The following SLC39A11 variants were observed in gnomAD, a reference collection of about 807,000 sequenced individuals.
The protein encoded by SLC39A11 is zinc transporter ZIP11.
In SLC39A11, 33 loss-of-function variants were observed where a neutral mutation model predicts 36.1. The ratio of observed to expected loss-of-function variants is 0.91; its 90% confidence interval spans 0.69 to 1.22. The LOEUF (loss-of-function observed/expected upper bound fraction) is 1.22, where lower values mean the gene tolerates loss of function less well. SLC39A11 is among the 50% of genes most tolerant of loss of function. The pLI is 0.00. For missense variants in SLC39A11, 432 were observed against 430.3 expected (o/e 1.00, Z -0.03); for synonymous variants, 166 against 170.3 (o/e 0.97, Z 0.20).
chr17:73,023,973 C>G (rs937494732), intron 4 of SLC39A11, among the ~76,000 whole-genome samples: 1 of 152,220 alleles, frequency 6.6e-6, no homozygotes. Flanking sequence ...CCAACCCTGC[C>G]GGCACCTTAG....
rs1184216709 is a variant in SLC39A11, at chr17:72,899,988, AAGAGAGAGAGAG to A, written c.430+47752_430+47763del. Among the ~76,000 whole-genome samples the A allele has an allele frequency of 5.5e-4, 13 of 23,812 alleles. No homozygotes were observed. In the African/African-American group the frequency reaches 5.8e-3, roughly 11 times the overall value. The allele number at this position is 23,812 out of a possible 152,430, so 15.6% of individuals were successfully genotyped here. A position where few individuals can be genotyped will look rare whatever the true frequency, so the allele number is the denominator to read the frequency against. On this transcript the variant is annotated intron_variant, in intron 5 of 9. Transcript: ENST00000255559. ...AGAAAGAGAGAGAGAGAGAGAAAGA[AAGAGAGAGAGAG>A]AGAAAGAGAGAGAGAGAGAAAGAGA...
intron 4 of SLC39A11, among the ~76,000 whole-genome samples, chr17:73,000,011 G>A (rs1384887395): frequency 6.6e-6 from 1 of 152,042 alleles, no homozygotes; most frequent in African/African-American, 2.4e-5. Flanking sequence ...CAAAGTGCTG[G>A]GATTACAGGC....
chr17:72,900,336 G>T (rs115603134), intron 5 of SLC39A11, among the ~76,000 whole-genome samples: 1 of 152,192 alleles, frequency 6.6e-6, no homozygotes, highest in Admixed American at 6.5e-5. Context: ...GGAACAAGTC[G>T]TGGGGGTATC....
intron 5 of SLC39A11, among the ~76,000 whole-genome samples, chr17:72,906,306 A>T (rs2082654163): frequency 6.6e-6 from 1 of 152,244 alleles, no homozygotes; most frequent in South Asian, 2.1e-4. Context: ...TGAGCCACAA[A>T]TGGCCAGGAA....
chr17:73,039,458 A>G (rs2059036490), intron 3 of SLC39A11, among the ~76,000 whole-genome samples: 1 of 152,192 alleles, frequency 6.6e-6, no homozygotes, highest in Admixed American at 6.5e-5. Context: ...GCGACTATTC[A>G]ACATTTGTTG....
At chr17:73,059,667 A>C (rs1319715872) in intron 3 of SLC39A11, among the ~76,000 whole-genome samples, 1 of 150,012 alleles carries the variant, frequency 6.7e-6, no homozygotes, top group Admixed American at 6.8e-5. Context: ...AAAAAAAAAA[A>C]AACTGGAAAT....
At chr17:72,714,227 G>A (rs1470782491) in intron 7 of SLC39A11, among the ~76,000 whole-genome samples, 1 of 151,988 alleles carries the variant, frequency 6.6e-6, no homozygotes, top group Admixed American at 6.5e-5. Flanking sequence ...GTAGTGGTGC[G>A]CACCTGTACT....
intron 3 of SLC39A11, among the ~76,000 whole-genome samples, chr17:73,069,078 T>C (rs981356028): frequency 1.1e-4 from 17 of 152,092 alleles, no homozygotes; most frequent in Admixed American, 5.2e-4. Context: ...ACTCTTATGC[T>C]TCCAATTTTC....
Position 72,654,893 on chromosome 17 carries a change from C to T in SLC39A11, c.672-5625G>A, listed in dbSNP as rs573746146. On this transcript the variant is annotated intron_variant, in intron 7 of 9. Transcript: ENST00000255559. ...GTGACATAGCGCTGACTACAGCCAT[C>T]GCCCGGCGGGCTGTGGGAGCCTCCT... is the stretch of plus-strand genomic sequence containing the variant. Among the ~76,000 whole-genome samples, 157 of 152,350 alleles carry T rather than the reference C, an allele frequency of 1.0e-3. 1 individual carries two copies. Among genetic ancestry groups the T allele is most frequent in the African/African-American group, 3.5e-3 (146 of 41,576 alleles).
chr17:73,003,757 T>C (rs887699903), intron 4 of SLC39A11, among the ~76,000 whole-genome samples: 7 of 152,022 alleles, frequency 4.6e-5, no homozygotes, highest in Admixed American at 1.3e-4. Context: ...ATAATCACTA[T>C]AGATTTCACA....
intron 6 of SLC39A11, among the ~76,000 whole-genome samples, chr17:72,825,503 C>T (rs1381147505): frequency 6.6e-6 from 1 of 152,180 alleles, no homozygotes; most frequent in Non-Finnish European, 1.5e-5. Context: ...ACAGAGTTCC[C>T]ACTAGGGCAC....
At chr17:72,870,658 G>C (rs145009529) in intron 5 of SLC39A11, among the ~76,000 whole-genome samples, 1 of 152,360 alleles carries the variant, frequency 6.6e-6, no homozygotes, top group Non-Finnish European at 1.5e-5. Flanking sequence ...CTCTCCTGCA[G>C]ATTTGTGGCC....
intron 1 of SLC39A11, among the ~76,000 whole-genome samples, chr17:73,090,216 G>A (rs369339582): frequency 7.4e-4 from 113 of 152,220 alleles, no homozygotes; most frequent in African/African-American, 2.4e-3. Flanking sequence ...TATGCCAAGC[G>A]GCTCAGCAAC....
At chr17:73,011,971 C>T (rs1244795655) in intron 4 of SLC39A11, among the ~76,000 whole-genome samples, 1 of 149,454 alleles carries the variant, frequency 6.7e-6, no homozygotes, top group Non-Finnish European at 1.5e-5. Context: ...CCTAGTTGTA[C>T]ATTTTTAAAT....
rs1238649416 is a variant in SLC39A11 at position 73,031,442 on chromosome 17, C to G, written c.306+114G>C. 8 of 1,147,376 alleles carry G rather than the reference C, an allele frequency of 7.0e-6. No individual in the cohort carries two copies. The African/African-American group carries it at 1.1e-4, about 15-fold the overall frequency. 71.1% of individuals were successfully genotyped at this position (1,147,376 alleles called of 1,614,324 possible). On this transcript the variant is annotated intron_variant, in intron 4 of 9. Coordinates refer to ENST00000255559, the MANE Select transcript of SLC39A11 (RefSeq NM_139177.4). ...AATGCCTTGTTCTCTGTTTAAATAC[C>G]ACTGGCTACTTAACAGAGACATTAA...
intron 7 of SLC39A11, among the ~76,000 whole-genome samples, chr17:72,727,479 C>T (rs888749002): frequency 6.6e-6 from 1 of 151,832 alleles, no homozygotes; most frequent in Non-Finnish European, 1.5e-5. Context: ...CGGTGAAACC[C>T]ATCTCTACTA....
chr17:72,996,833 C>T lies in SLC39A11; in HGVS notation c.306+34723G>A, dbSNP rs117847134. 5.4e-4 allele frequency among the ~76,000 whole-genome samples: 82 copies of T among 152,300 alleles called. 1 individual carries two copies. The East Asian group carries it at 0.014, about 26-fold the overall frequency. On this transcript the variant is annotated intron_variant, in intron 4 of 9. Coordinates refer to ENST00000255559, the MANE Select transcript of SLC39A11 (RefSeq NM_139177.4). Reference sequence around the variant, plus strand: ...ATGCTGGCTTCTACCATGTGACTTGCTTAGCCAGTGGTATGTGGATGGAAG... The same window carrying T: ...ATGCTGGCTTCTACCATGTGACTTGTTTAGCCAGTGGTATGTGGATGGAAG...
rs558985046 is a variant in SLC39A11, at chr17:72,812,224, G to T, written c.601+37410C>A. Among the ~76,000 whole-genome samples the T allele has an allele frequency of 5.9e-5, 9 of 152,262 alleles. No homozygotes were observed. In the South Asian group the frequency reaches 1.7e-3, roughly 28 times the overall value. ...TGTTAGTGTAACCAGAGATCCTTTC[G>T]GAGGGAAGACAAGCATCTGGGCAGT... On this transcript the variant is annotated intron_variant, in intron 6 of 9. Transcript: ENST00000255559.
chr17:72,835,701 T>C (rs576882688), intron 6 of SLC39A11, among the ~76,000 whole-genome samples: 1 of 152,332 alleles, frequency 6.6e-6, no homozygotes, highest in East Asian at 1.9e-4. Flanking sequence ...GTTCAAGTGA[T>C]CTGCATGCCT....
Sources: allele counts gnomAD v4.1 joint callset (sites outside exome capture counted in the v4.1 genomes callset), GRCh38; gene constraint gnomAD v4.1.1; transcripts MANE v1.5; gene names NCBI Gene and HGNC (gene_info 2026-07-23, HGNC 2026-07-21).